GSK3B: variants seen among roughly 807,000 people sequenced by gnomAD.
GSK3B encodes the protein glycogen synthase kinase-3 beta.
Under a neutral mutation model 56.4 loss-of-function variants are expected in GSK3B, and 15 were observed. The ratio of observed to expected loss-of-function variants is 0.27; its 90% CI spans 0.18 to 0.41. The LOEUF is 0.41. GSK3B is among the 10% of genes least tolerant of loss of function. GSK3B has a pLI of 1.00. For missense variants in GSK3B, 300 were observed against 513.4 expected, an observed-to-expected ratio of 0.58 and a Z score of 4.02; for synonymous variants, 181 against 188.9, an observed-to-expected ratio of 0.96 and a Z score of 0.34.
chr3:119,835,373 A>C (rs2055674532), intron 10 of GSK3B, among the ~76,000 whole-genome samples: 1 of 152,202 alleles, frequency 6.6e-6, no homozygotes, highest in Non-Finnish European at 1.5e-5. Flanking sequence ...AGATATCTTC[A>C]AAGCATTTTT....
At chr3:119,891,434 T>C (rs1177510583) in intron 7 of GSK3B, among the ~76,000 whole-genome samples, 1 of 152,076 alleles carries the variant, frequency 6.6e-6, no homozygotes, top group East Asian at 1.9e-4. Flanking sequence ...TTATATTAAG[T>C]TTTTATTAGG....
chr3:120,030,166 C>T (rs953549130), intron 1 of GSK3B, among the ~76,000 whole-genome samples: 3 of 152,132 alleles, frequency 2.0e-5, no homozygotes, highest in African/African-American at 7.2e-5. Flanking sequence ...ACTTGAGGTC[C>T]TCCTATGCTA....
chr3:119,916,208 C>A, intron 4 of GSK3B, 34 bp from the exon 5 acceptor site: 1 of 1,546,782 alleles, frequency 6.5e-7, no homozygotes, highest in Non-Finnish European at 8.9e-7. Flanking sequence ...TTAAATACTT[C>A]CTATTCTAAA....
chr3:119,956,122 T>C (rs1292365406), intron 2 of GSK3B, among the ~76,000 whole-genome samples: 1 of 152,176 alleles, frequency 6.6e-6, no homozygotes, highest in African/African-American at 2.4e-5. Flanking sequence ...ATTGAATTAG[T>C]AAATAGAAGG....
At chr3:120,004,161 G>A (rs1003995635) in intron 1 of GSK3B, among the ~76,000 whole-genome samples, 5 of 152,360 alleles carry the variant, frequency 3.3e-5, no homozygotes, top group Middle Eastern at 3.4e-3. Flanking sequence ...AGCAGTCTGA[G>A]ATCAACCTAA....
At chr3:119,940,735 A>G (rs964527197) in intron 3 of GSK3B, among the ~76,000 whole-genome samples, 1 of 152,186 alleles carries the variant, frequency 6.6e-6, no homozygotes, top group African/African-American at 2.4e-5. Flanking sequence ...AAACCTAATA[A>G]AACACCCAAG....
At chr3:119,988,271 C>T (rs1182242052) in intron 2 of GSK3B, among the ~76,000 whole-genome samples, 1 of 152,150 alleles carries the variant, frequency 6.6e-6, no homozygotes, top group African/African-American at 2.4e-5. Context: ...CTTTGTTTTG[C>T]TTTTCAAAGT....
At chr3:120,075,598 G>C (rs765997973) in intron 1 of GSK3B, among the ~76,000 whole-genome samples, 1 of 151,934 alleles carries the variant, frequency 6.6e-6, no homozygotes, top group Non-Finnish European at 1.5e-5. Flanking sequence ...TAATGACCAA[G>C]CTGAAAAAGA....
intron 3 of GSK3B, among the ~76,000 whole-genome samples, chr3:119,945,784 A>G (rs1302169884): frequency 6.6e-6 from 1 of 152,196 alleles, no homozygotes; most frequent in African/African-American, 2.4e-5. Flanking sequence ...GCCTTTTTTC[A>G]AATGAATCTA....
chr3:120,092,884 C>G (rs1336109280), intron 1 of GSK3B, among the ~76,000 whole-genome samples: 1 of 152,194 alleles, frequency 6.6e-6, no homozygotes, highest in East Asian at 1.9e-4. Context: ...TTTAACGTCT[C>G]TATTAAGTAT....
chr3:119,852,934 C>T (rs554680900), intron 9 of GSK3B, among the ~76,000 whole-genome samples: 1 of 152,096 alleles, frequency 6.6e-6, no homozygotes, highest in Admixed American at 6.6e-5. Flanking sequence ...TTAATTAGAT[C>T]CCATTTGTCT....
intron 1 of GSK3B, among the ~76,000 whole-genome samples, chr3:120,055,898 G>A (rs543253403): frequency 6.6e-6 from 1 of 152,254 alleles, no homozygotes; most frequent in South Asian, 2.1e-4. Context: ...ATATATAAGT[G>A]ATTATTTACA....
chr3:119,833,359 A>ATC (rs1396325593), intron 10 of GSK3B, among the ~76,000 whole-genome samples: 2 of 152,124 alleles, frequency 1.3e-5, no homozygotes, highest in Non-Finnish European at 2.9e-5. Flanking sequence ...AGTATTCTAG[A>ATC]TCTGTGTGTC....
At chr3:119,836,196 A>G (rs896621684) in intron 10 of GSK3B, among the ~76,000 whole-genome samples, 2 of 152,230 alleles carry the variant, frequency 1.3e-5, no homozygotes, top group Admixed American at 1.3e-4. Context: ...AAGGAGGCTA[A>G]TAACTAACAA....
chr3:119,900,547 G>A (rs2056614644), intron 7 of GSK3B, among the ~76,000 whole-genome samples: 1 of 152,056 alleles, frequency 6.6e-6, no homozygotes, highest in Non-Finnish European at 1.5e-5. Context: ...GAAATTATTA[G>A]TAAAACTTAC....
intron 9 of GSK3B, among the ~76,000 whole-genome samples, chr3:119,858,018 G>A (rs2108027204): frequency 6.6e-6 from 1 of 152,200 alleles, no homozygotes; most frequent in Middle Eastern, 3.4e-3. Context: ...CTCAACAGTG[G>A]GCTTCAAATA....
intron 1 of GSK3B, among the ~76,000 whole-genome samples, chr3:120,032,881 TAAC>T (rs1480685665): frequency 2.0e-5 from 3 of 152,226 alleles, no homozygotes; most frequent in African/African-American, 7.2e-5. Context: ...TTAATTCACA[TAAC>T]AAATAATTCA....
At chr3:119,889,927 T>TAA (rs1283191526) in intron 7 of GSK3B, among the ~76,000 whole-genome samples, 1 of 152,012 alleles carries the variant, frequency 6.6e-6, no homozygotes, top group East Asian at 1.9e-4. Flanking sequence ...ATAAGAAAAT[T>TAA]AAACAAAAAT....
chr3:119,958,078 C>T (rs1371656482), intron 2 of GSK3B, among the ~76,000 whole-genome samples: 3 of 152,110 alleles, frequency 2.0e-5, no homozygotes, highest in Admixed American at 2.0e-4. Context: ...TGGTTTCCCC[C>T]ATGCTGCTCT....
Sources: allele counts gnomAD v4.1 joint callset (sites outside exome capture counted in the v4.1 genomes callset), GRCh38; gene constraint gnomAD v4.1.1; transcripts MANE v1.5; gene names NCBI Gene and HGNC (gene_info 2026-07-23, HGNC 2026-07-21).